DOCK11: variants seen among roughly 807,000 people sequenced by gnomAD.
The protein encoded by DOCK11 is dedicator of cytokinesis 11.
Under a neutral mutation model 169.1 loss-of-function variants are expected in DOCK11, and 70 were observed. The observed-to-expected ratio is 0.41, with a 90% CI of 0.34 to 0.51. The LOEUF (loss-of-function observed/expected upper bound fraction) is 0.51, where lower values mean the gene tolerates loss of function less well. DOCK11 is among the 20% of genes least tolerant of loss of function. DOCK11 has a pLI of 0.10. For synonymous variants in DOCK11, 529 were observed against 541.3 expected (o/e 0.98, Z 0.32); for missense variants, 1,166 against 1,538.8 (o/e 0.76, Z 4.05).
chrX:118,636,828 TACACACACACACACACAC>T (rs765702693), intron 36 of DOCK11, among the ~76,000 whole-genome samples: 3 of 100,551 alleles, frequency 3.0e-5, no homozygotes, highest in Non-Finnish European at 6.1e-5. Context: ...TATTTGTGTG[TACACACACACACACACAC>T]ACACACACAC....
At chrX:118,615,802 C>A in intron 30 of DOCK11, 91 bp downstream of exon 30, 1 of 677,192 alleles carries the variant, frequency 1.5e-6, no homozygotes, top group Non-Finnish European at 2.3e-6. Context: ...TTGAACCAGT[C>A]AACTTGAAGG....
intron 35 of DOCK11, chrX:118,632,995 G>C (rs990374638): frequency 5.3e-5 from 5 of 94,064 alleles, no homozygotes; most frequent in Non-Finnish European, 8.5e-5. Flanking sequence ...GGGGGTGGGG[G>C]GGATGGGGAA....
At chrX:118,577,899 T>A (rs919752045) in intron 12 of DOCK11, among the ~76,000 whole-genome samples, 3 of 112,093 alleles carry the variant, frequency 2.7e-5, no homozygotes, top group African/African-American at 3.2e-5. Context: ...GTAGATGATA[T>A]TATATTTGGA....
chrX:118,614,635 A>T (rs970527090), intron 28 of DOCK11, 57 bp from the exon 29 acceptor site: 2 of 878,930 alleles, frequency 2.3e-6, no homozygotes, highest in African/African-American at 4.1e-5. Flanking sequence ...TACATTTTTA[A>T]AATTTAGACT....
chrX:118,512,058 C>A (rs1042377321), intron 1 of DOCK11, among the ~76,000 whole-genome samples: 1 of 111,905 alleles, frequency 8.9e-6, no homozygotes. Context: ...GGACTACAGG[C>A]GCACGCCGCC....
At position 118,680,626 on chromosome X, in the gene DOCK11, T is replaced by TA. The variant is rs1328828798; in HGVS notation, c.5606dup (p.Tyr1869Ter). 1 of 1,208,990 alleles carries TA rather than the reference T, an allele frequency of 8.3e-7. No individual in the cohort carries two copies. Among genetic ancestry groups the TA allele is most frequent in the Non-Finnish European group, 1.1e-6 (1 of 894,761 alleles). The change falls in exon 49 of 53, where the codon TAC becomes TAAC. Residue 1869 changes from tyrosine to a stop codon, truncating the protein, a stop_gained and frameshift_variant. Coordinates refer to ENST00000276202, the MANE Select transcript of DOCK11 (RefSeq NM_144658.4). LOFTEE classifies it high-confidence loss of function. ...NISRFVFEAP[Y>*]TLSGKKQGCI... ...CAGCAGATTTGTTTTTGAGGCCCCT[T>TA]ACACTTTATCAGGCAAAAAACAGGG...
intron 1 of DOCK11, among the ~76,000 whole-genome samples, chrX:118,500,388 A>G (rs1357115292): frequency 1.8e-5 from 2 of 111,170 alleles, no homozygotes; most frequent in Admixed American, 9.6e-5. Flanking sequence ...TTTATTGTAC[A>G]ACAGCTAGAA....
intron 7 of DOCK11, among the ~76,000 whole-genome samples, chrX:118,562,779 C>T (rs775631851): frequency 6.7e-4 from 75 of 112,345 alleles, no homozygotes; most frequent in Non-Finnish European, 1.3e-3. Context: ...AGGCTACTGC[C>T]GTGAAAAGTT....
chrX:118,673,377 T>C (rs192546547), intron 46 of DOCK11, among the ~76,000 whole-genome samples: 41 of 111,094 alleles, frequency 3.7e-4, no homozygotes, highest in African/African-American at 1.3e-3. Flanking sequence ...GAGACTGAGG[T>C]AGGAGGATTG....
intron 3 of DOCK11, 96 bp downstream of exon 3, chrX:118,543,111 T>C: frequency 1.6e-6 from 1 of 625,617 alleles, no homozygotes; most frequent in South Asian, 3.5e-5. Context: ...TGTTTATAAA[T>C]ACATAAATGT....
At chrX:118,508,792 G>A (rs988850164) in intron 1 of DOCK11, among the ~76,000 whole-genome samples, 2 of 112,100 alleles carry the variant, frequency 1.8e-5, no homozygotes, top group Non-Finnish European at 3.8e-5. Context: ...CTTGGCCTCC[G>A]TCTGTCCCTG....
At chrX:118,564,304 C>G (rs1016682404) in intron 7 of DOCK11, among the ~76,000 whole-genome samples, 1 of 112,923 alleles carries the variant, frequency 8.9e-6, no homozygotes, top group Non-Finnish European at 1.9e-5. Flanking sequence ...AGTTTAATTT[C>G]ATCCTTTCGT....
At chrX:118,655,849 A>T (rs1157075483) in intron 44 of DOCK11, among the ~76,000 whole-genome samples, 2 of 111,767 alleles carry the variant, frequency 1.8e-5, no homozygotes, top group Admixed American at 9.5e-5. Flanking sequence ...GAGTCATATC[A>T]CTCTGGCTTC....
At chrX:118,662,854 A>T in intron 45 of DOCK11, 62 bp downstream of exon 45, 1 of 671,919 alleles carries the variant, frequency 1.5e-6, no homozygotes, top group Non-Finnish European at 2.3e-6. Flanking sequence ...ATTCATATAT[A>T]TTAAACAATT....
intron 1 of DOCK11, among the ~76,000 whole-genome samples, chrX:118,504,370 G>A (rs1484769591): frequency 2.7e-5 from 3 of 111,234 alleles, no homozygotes; most frequent in Non-Finnish European, 5.7e-5. Flanking sequence ...CCTATATAGT[G>A]TGCGTGTGTA....
At chrX:118,549,106 C>CTGTGTGTGTGTG (rs57680469) in intron 6 of DOCK11, among the ~76,000 whole-genome samples, 7,890 of 98,955 alleles carry the variant, frequency 0.08, 309 homozygotes, top group Non-Finnish European at 0.1. Context: ...TGCTCATATT[C>CTGTGTGTGTGTG]TGTGTGTGTG....
intron 1 of DOCK11, among the ~76,000 whole-genome samples, chrX:118,510,820 C>T (rs761607225): frequency 1.4e-3 from 159 of 111,855 alleles, no homozygotes; most frequent in African/African-American, 4.9e-3. Context: ...AAATGGCTTT[C>T]TAAAACACAT....
intron 6 of DOCK11, among the ~76,000 whole-genome samples, chrX:118,549,358 C>T (rs1044043794): frequency 4.6e-5 from 5 of 108,583 alleles, no homozygotes; most frequent in Non-Finnish European, 7.6e-5. Flanking sequence ...TGGCCAGGCT[C>T]GTCTCGAACT....
chrX:118,635,612 G>T (rs1278704684), intron 35 of DOCK11, among the ~76,000 whole-genome samples: 1 of 111,466 alleles, frequency 9.0e-6, no homozygotes, highest in African/African-American at 3.3e-5. Context: ...TTTTGAGACG[G>T]AGTCTCACTC....
Sources: allele counts gnomAD v4.1 joint callset (sites outside exome capture counted in the v4.1 genomes callset), GRCh38; gene constraint gnomAD v4.1.1; transcripts MANE v1.5; gene names NCBI Gene and HGNC (gene_info 2026-07-23, HGNC 2026-07-21).